The following DHCR24 variants were observed in gnomAD, a reference collection of about 807,000 sequenced individuals.
DHCR24 encodes the protein 24-dehydrocholesterol reductase, also known as delta(24)-sterol reductase.
A neutral mutation model predicts 61.2 loss-of-function variants in DHCR24; 28 were observed. That is an observed-to-expected ratio of 0.46 (90% CI 0.34 to 0.63). DHCR24 has a LOEUF of 0.63. DHCR24 is among the 20% of genes least tolerant of loss of function. The pLI, the probability that DHCR24 is intolerant of heterozygous loss-of-function variation, is 0.01. For missense variants in DHCR24, 538 were observed against 679.1 expected, an observed-to-expected ratio of 0.79 and a Z score of 2.31; for synonymous variants, 261 against 275.9, an observed-to-expected ratio of 0.95 and a Z score of 0.54.
At chr1:54,853,634 G>A in intron 7 of DHCR24, 22 bp from the exon 8 acceptor site, 1 of 1,607,598 alleles carries the variant, frequency 6.2e-7, no homozygotes, top group East Asian at 2.2e-5. Context: ...AGGGAGGTGG[G>A]TATTGGTGCT....
At chr1:54,881,885 A>G (rs1249363523) in intron 2 of DHCR24, among the ~76,000 whole-genome samples, 1 of 152,224 alleles carries the variant, frequency 6.6e-6, no homozygotes, top group African/African-American at 2.4e-5. Flanking sequence ...AGGAAACCAA[A>G]TACCGCATGT....
intron 8 of DHCR24, among the ~76,000 whole-genome samples, 167 bp downstream of exon 8, chr1:54,853,267 T>G (rs558140974): frequency 3.3e-5 from 5 of 152,182 alleles, no homozygotes; most frequent in East Asian, 3.9e-4. Flanking sequence ...CTGCCCATCT[T>G]TCACAGCTTA....
In DHCR24 at chr1:54,879,761, C is replaced by T. The variant is rs564516576; in HGVS notation, c.388-3714G>A. ...AAAATCAACATACTTCTAAATAATCCATGGGTCAAAGCAGACATCAAAAGG... is the reference window on the plus strand; with the variant it reads ...AAAATCAACATACTTCTAAATAATCTATGGGTCAAAGCAGACATCAAAAGG... On this transcript the variant is annotated intron_variant, in intron 2 of 8. Coordinates refer to ENST00000371269, the MANE Select transcript of DHCR24 (RefSeq NM_014762.4). 5.3e-5 allele frequency among the ~76,000 whole-genome samples: 8 copies of T among 152,156 alleles called. No individual in the cohort carries two copies. The South Asian group carries it at 1.7e-3, about 32-fold the overall frequency.
In DHCR24 at chr1:54,887,135, G is replaced by C; in HGVS notation, c.-16C>G. On this transcript the variant is annotated 5_prime_UTR_variant, in exon 1 of 9. Coordinates refer to ENST00000371269, the MANE Select transcript of DHCR24 (RefSeq NM_014762.4). ...CGGGCTCCATGGTGCGGCGCCGCGC[G>C]GTAAGCGCTGCGGGTTCGCGCCTCC... 1.3e-6 allele frequency: 2 copies of C among 1,552,230 alleles called. No homozygotes were observed. Among genetic ancestry groups the C allele is most frequent in the Non-Finnish European group, 1.7e-6 (2 of 1,149,584 alleles).
chr1:54,875,042 C>G lies in DHCR24; in HGVS notation c.612+51G>C, dbSNP rs1296680128. On this transcript the variant is annotated intron_variant, in intron 4 of 8. Coordinates refer to ENST00000371269, the MANE Select transcript of DHCR24 (RefSeq NM_014762.4). ...GGAGCCACCTCCCTGACCTCAGGAT[C>G]CTTAATGCCCAGAGCAGGCTGGCAT... is the stretch of plus-strand genomic sequence containing the variant. 8 of 1,517,056 alleles carry G rather than the reference C, an allele frequency of 5.3e-6. No individual in the cohort carries two copies. In the African/African-American group the frequency reaches 9.6e-5, roughly 18 times the overall value. The allele number at this position is 1,517,056 out of a possible 1,614,324, so 94.0% of individuals were successfully genotyped here.
intron 2 of DHCR24, among the ~76,000 whole-genome samples, chr1:54,879,275 C>T (rs1470972845): frequency 4.5e-5 from 6 of 133,560 alleles, no homozygotes; most frequent in Admixed American, 1.8e-4. Flanking sequence ...GCCGAAATCA[C>T]GCCACTGCAC....
intron 6 of DHCR24, among the ~76,000 whole-genome samples, chr1:54,864,346 A>T (rs150184611): frequency 9.6e-4 from 146 of 152,344 alleles, no homozygotes; most frequent in African/African-American, 3.1e-3. Context: ...GTGGTCTCTC[A>T]TATAATGAAC....
chr1:54,853,875 T>G (rs992278787), intron 7 of DHCR24, among the ~76,000 whole-genome samples, 162 bp downstream of exon 7: 4 of 151,778 alleles, frequency 2.6e-5, no homozygotes, highest in Admixed American at 2.0e-4. Flanking sequence ...CATCACTGAG[T>G]GGGTTGAGGC....
At chr1:54,885,158 G>T (rs543597260) in intron 1 of DHCR24, among the ~76,000 whole-genome samples, 1 of 152,318 alleles carries the variant, frequency 6.6e-6, no homozygotes, top group African/African-American at 2.4e-5. Flanking sequence ...CACGGGGAAG[G>T]ACTTTTCTTT....
chr1:54,854,566 A>G (rs1570179476), intron 6 of DHCR24, among the ~76,000 whole-genome samples: 1 of 152,232 alleles, frequency 6.6e-6, no homozygotes, highest in Non-Finnish European at 1.5e-5. Flanking sequence ...CTGGAGTGCA[A>G]TAATGAGCTA....
chr1:54,875,854 C>G, intron 3 of DHCR24, 88 bp downstream of exon 3: 2 of 1,043,210 alleles, frequency 1.9e-6, no homozygotes, highest in South Asian at 2.6e-5. Flanking sequence ...AGCGGCAATT[C>G]CAGGACTAGA....
Position 54,883,785 on chromosome 1 carries a change from G to A in DHCR24, c.232-12C>T. ...TTCCATTCCCGCACCTGCAACCACA[G>A]GACAGAGGGTGAGCTGGCCCCACTG... On this transcript the variant is annotated splice_polypyrimidine_tract_variant and intron_variant, in intron 1 of 8. Transcript: ENST00000371269. The surrounding 1 kb of genome is among the most constrained non-coding windows in gnomAD (Gnocchi z 4.3). 1.2e-6 allele frequency: 2 copies of A among 1,613,890 alleles called. No individual in the cohort carries two copies. Among genetic ancestry groups the A allele is most frequent in the Non-Finnish European group, 1.7e-6 (2 of 1,179,946 alleles).
At chr1:54,868,427 G>A (rs182848559) in intron 5 of DHCR24, among the ~76,000 whole-genome samples, 3,920 of 151,610 alleles carry the variant, frequency 0.026, 97 homozygotes, top group Middle Eastern at 0.051. Context: ...CCGAGATCCC[G>A]CCACTGCACT....
intron 6 of DHCR24, 83 bp from the exon 7 acceptor site, chr1:54,854,317 C>T: frequency 7.8e-7 from 1 of 1,282,418 alleles, no homozygotes; most frequent in South Asian, 1.4e-5. Context: ...GGGGCCAGGT[C>T]CCATTCTGTG....
intron 5 of DHCR24, among the ~76,000 whole-genome samples, chr1:54,869,853 C>T (rs898931831): frequency 2.4e-4 from 37 of 152,000 alleles, no homozygotes; most frequent in Admixed American, 6.6e-5. Flanking sequence ...GTCAGGAGTT[C>T]GAGACCAGCC....
chr1:54,874,445 A>G (rs577219124), intron 4 of DHCR24, among the ~76,000 whole-genome samples: 3 of 152,354 alleles, frequency 2.0e-5, no homozygotes, highest in South Asian at 4.2e-4. Context: ...TACAGTATTG[A>G]GCACAGTACC....
intron 5 of DHCR24, among the ~76,000 whole-genome samples, chr1:54,869,846 A>C (rs1461214050): frequency 1.4e-4 from 21 of 152,186 alleles, no homozygotes; most frequent in Admixed American, 1.4e-3. Context: ...ACCTGAGGTC[A>C]GGAGTTCGAG....
intron 2 of DHCR24, among the ~76,000 whole-genome samples, chr1:54,880,418 G>A (rs922769456): frequency 4.6e-5 from 7 of 152,144 alleles, no homozygotes; most frequent in African/African-American, 1.7e-4. Flanking sequence ...ATAAAATATA[G>A]GAGAAAGCCT....
rs1279296572 is a variant in DHCR24, at chr1:54,887,115, T to C, written c.5A>G (p.Glu2Gly). The C allele has an allele frequency of 6.3e-7, 1 of 1,579,816 alleles. No homozygotes were observed. Among genetic ancestry groups the C allele is most frequent in the Non-Finnish European group, 8.6e-7 (1 of 1,163,738 alleles). The change falls in exon 1 of 9, where the codon GAG becomes GGG. Residue 2 changes from glutamate to glycine, a missense_variant. Glu to Gly is a moderately conservative substitution (Grantham distance 98). Coordinates refer to ENST00000371269, the MANE Select transcript of DHCR24 (RefSeq NM_014762.4). The part of the protein sequence containing the change: M[E>G]PAVSLAVCAL... ...GCACACGGCCAGCGACACGGCGGGC[T>C]CCATGGTGCGGCGCCGCGCGGTAAG...
Sources: allele counts gnomAD v4.1 joint callset (sites outside exome capture counted in the v4.1 genomes callset), GRCh38; gene constraint gnomAD v4.1.1; non-coding constraint Gnocchi (gnomAD v3.1); transcripts MANE v1.5; gene names NCBI Gene and HGNC (gene_info 2026-07-23, HGNC 2026-07-21).